The following MTDH variants were observed in gnomAD, a reference collection of about 807,000 sequenced individuals.
MTDH encodes metadherin.
In MTDH, 34 loss-of-function variants were observed where a neutral mutation model predicts 72.7. The observed-to-expected ratio is 0.47, with a 90% CI of 0.36 to 0.62. The LOEUF is 0.62. MTDH is among the 20% of genes least tolerant of loss of function. MTDH has a pLI of 0.00. For synonymous variants in MTDH, 266 were observed against 268.9 expected (o/e 0.99, Z 0.10); for missense variants, 677 against 699.4 (o/e 0.97, Z 0.36).
At chr8:97,658,839 A>G (rs557017634) in intron 1 of MTDH, among the ~76,000 whole-genome samples, 1 of 152,258 alleles carries the variant, frequency 6.6e-6, no homozygotes, top group Non-Finnish European at 1.5e-5. Flanking sequence ...AGTAGCATAT[A>G]AGAATAAGAT....
At chr8:97,669,487 A>G (rs1812526145) in intron 2 of MTDH, among the ~76,000 whole-genome samples, 3 of 151,994 alleles carry the variant, frequency 2.0e-5, no homozygotes, top group Non-Finnish European at 2.9e-5. Context: ...TCACCCCAAA[A>G]AGAAATCTCG....
intron 2 of MTDH, among the ~76,000 whole-genome samples, chr8:97,675,840 C>T (rs1812822488): frequency 6.6e-6 from 1 of 152,040 alleles, no homozygotes; most frequent in East Asian, 1.9e-4. Context: ...CCACTGCACT[C>T]CAGCCTGGGT....
intron 8 of MTDH, among the ~76,000 whole-genome samples, chr8:97,708,315 CCT>C (rs1170976788): frequency 8.8e-6 from 1 of 113,770 alleles, no homozygotes; most frequent in Non-Finnish European, 1.7e-5. Flanking sequence ...GGAGTTTCGC[CCT>C]GTCTCCCAGA....
At chr8:97,676,766 G>A (rs997918340) in intron 2 of MTDH, among the ~76,000 whole-genome samples, 4 of 151,782 alleles carry the variant, frequency 2.6e-5, no homozygotes, top group African/African-American at 9.7e-5. Context: ...CACTTTGGGA[G>A]GCCCATGTGG....
chr8:97,660,127 C>G (rs1358400305), intron 1 of MTDH, among the ~76,000 whole-genome samples: 7 of 152,166 alleles, frequency 4.6e-5, no homozygotes, highest in Non-Finnish European at 1.0e-4. Flanking sequence ...CCTTGGCAGT[C>G]CAGCCTGGGC....
chr8:97,714,025 A>C (rs149263432), intron 9 of MTDH, among the ~76,000 whole-genome samples: 2 of 152,354 alleles, frequency 1.3e-5, no homozygotes, highest in East Asian at 3.9e-4. Context: ...TTTTTATTAT[A>C]TAATGGTGAA....
chr8:97,655,664 T>G (rs1746857880), intron 1 of MTDH, among the ~76,000 whole-genome samples: 1 of 151,994 alleles, frequency 6.6e-6, no homozygotes, highest in South Asian at 2.1e-4. Context: ...GAGAAAAGGG[T>G]AGACGGGCCA....
At chr8:97,686,616 A>G (rs867191571) in intron 2 of MTDH, 52 bp from the exon 3 acceptor site, 37 of 1,152,912 alleles carry the variant, frequency 3.2e-5, no homozygotes, top group Middle Eastern at 2.3e-4. Flanking sequence ...ACTGACTCCT[A>G]CTTATTCAAA....
chr8:97,647,950 GAAA>G (rs59576045), intron 1 of MTDH, among the ~76,000 whole-genome samples: 1 of 115,608 alleles, frequency 8.6e-6, no homozygotes. Context: ...TCTCCTAAAA[GAAA>G]AAAAAAAAAA....
chr8:97,693,254 G>A lies in MTDH; in HGVS notation c.1048+2066G>A, dbSNP rs189238018. On this transcript the variant is annotated intron_variant, in intron 6 of 11. Coordinates refer to ENST00000336273, the MANE Select transcript of MTDH (RefSeq NM_178812.4). ...TTCTAATTCGATAAGCAAAAAGTAC[G>A]TAAATTATTTTGGTTAACTTTTTGA... 8.5e-5 allele frequency among the ~76,000 whole-genome samples: 13 copies of A among 152,206 alleles called. No individual in the cohort carries two copies. The East Asian group carries it at 1.5e-3, about 18-fold the overall frequency.
intron 2 of MTDH, among the ~76,000 whole-genome samples, chr8:97,662,399 C>A (rs1212691147): frequency 3.2e-4 from 47 of 148,490 alleles, no homozygotes; most frequent in African/African-American, 1.1e-3. Flanking sequence ...AAAAAAAAAA[C>A]AAACAAAAAC....
intron 11 of MTDH, 100 bp from the exon 12 acceptor site, chr8:97,724,500 A>G: frequency 1.2e-6 from 1 of 804,176 alleles, no homozygotes; most frequent in Non-Finnish European, 1.9e-6. Flanking sequence ...TGAGTATTTT[A>G]AAACATTGTT....
intron 3 of MTDH, 109 bp from the exon 4 acceptor site, chr8:97,687,320 C>T: frequency 1.1e-6 from 1 of 897,762 alleles, no homozygotes; most frequent in Non-Finnish European, 1.6e-6. Context: ...AGCTTAACAT[C>T]TAAATTTATC....
intron 7 of MTDH, among the ~76,000 whole-genome samples, chr8:97,700,514 C>G (rs1051929477): frequency 2.6e-5 from 4 of 152,096 alleles, no homozygotes; most frequent in African/African-American, 9.7e-5. Context: ...GAGTTAAGAA[C>G]TCTCTGAAAA....
chr8:97,724,292 G>A (rs1303135878), intron 11 of MTDH, among the ~76,000 whole-genome samples: 1 of 151,830 alleles, frequency 6.6e-6, no homozygotes, highest in East Asian at 1.9e-4. Flanking sequence ...GCTACCTTTA[G>A]TATCCATTTT....
chr8:97,718,088 G>A (rs1814947754), intron 9 of MTDH, among the ~76,000 whole-genome samples: 1 of 151,838 alleles, frequency 6.6e-6, no homozygotes, highest in African/African-American at 2.4e-5. Flanking sequence ...GTTTCACCAT[G>A]TTGCCCAGGC....
chr8:97,676,361 T>C (rs1029484124), intron 2 of MTDH, among the ~76,000 whole-genome samples: 2 of 152,210 alleles, frequency 1.3e-5, no homozygotes, highest in African/African-American at 4.8e-5. Context: ...CCCCTTGTGA[T>C]AGTTTTGATA....
intron 2 of MTDH, among the ~76,000 whole-genome samples, chr8:97,665,197 C>T (rs897116690): frequency 3.3e-5 from 5 of 152,144 alleles, no homozygotes; most frequent in African/African-American, 1.2e-4. Flanking sequence ...TAATTGTACT[C>T]CTAAGCTGTG....
intron 6 of MTDH, chr8:97,696,064 A>G (rs191911860): frequency 5.6e-4 from 106 of 188,154 alleles, no homozygotes; most frequent in Non-Finnish European, 9.1e-4. Context: ...ATAAATATTC[A>G]GTAAATAGTA....
Sources: allele counts gnomAD v4.1 joint callset (sites outside exome capture counted in the v4.1 genomes callset), GRCh38; gene constraint gnomAD v4.1.1; transcripts MANE v1.5; gene names NCBI Gene and HGNC (gene_info 2026-07-23, HGNC 2026-07-21).